The following RPP30 variants were observed in gnomAD, a reference collection of about 807,000 sequenced individuals.
RPP30 encodes ribonuclease P protein subunit p30.
RPP30 carries 36 observed loss-of-function variants against 38.6 expected under a neutral mutation model. The ratio of observed to expected loss-of-function variants is 0.93; its 90% CI spans 0.71 to 1.23. The LOEUF is 1.23. Among genes scored for constraint, RPP30 ranks in the 50% most tolerant of loss-of-function variants. The pLI, the probability that RPP30 is intolerant of heterozygous loss-of-function variation, is 0.00. For missense variants in RPP30, 321 were observed against 321.7 expected (o/e 1.00, Z 0.02); for synonymous variants, 126 against 112.7 (o/e 1.12, Z -0.75).
intron 4 of RPP30, among the ~76,000 whole-genome samples, chr10:90,878,047 G>GC (rs768639203): frequency 5.9e-5 from 9 of 152,140 alleles, no homozygotes; most frequent in Admixed American, 3.9e-4. Flanking sequence ...GGTTCCTTAG[G>GC]CCCAGGTAGA....
At chr10:90,875,952 CT>C in intron 3 of RPP30, 71 bp from the exon 4 acceptor site, 1 of 882,310 alleles carries the variant, frequency 1.1e-6, no homozygotes, top group South Asian at 1.4e-5. Context: ...TTAATGAATA[CT>C]TTCCACTGGT....
At chr10:90,906,794 G>C (rs1589505336), downstream of RPP30, among the ~76,000 whole-genome samples, 1 of 152,216 alleles carries the variant, frequency 6.6e-6, no homozygotes. Context: ...GGGAAAGAAG[G>C]TCAAAAACAA....
intron 10 of RPP30, among the ~76,000 whole-genome samples, chr10:90,899,630 C>G (rs1192150252): frequency 2.0e-5 from 3 of 152,122 alleles, no homozygotes; most frequent in Non-Finnish European, 4.4e-5. Flanking sequence ...GCCATATTGT[C>G]CCCTAAACTA....
intron 1 of RPP30, among the ~76,000 whole-genome samples, chr10:90,872,535 G>C (rs1589491930): frequency 6.6e-6 from 1 of 152,238 alleles, no homozygotes. Flanking sequence ...GACAGAGAGA[G>C]GGTAGGTGGG....
chr10:90,879,431 T>G (rs1846895315), intron 5 of RPP30, among the ~76,000 whole-genome samples: 1 of 152,242 alleles, frequency 6.6e-6, no homozygotes, highest in Admixed American at 6.5e-5. Context: ...TAAGTGTTGA[T>G]CCATCTCTTT....
chr10:90,889,839 T>G (rs909664270), intron 6 of RPP30, among the ~76,000 whole-genome samples: 1 of 152,330 alleles, frequency 6.6e-6, no homozygotes, highest in Middle Eastern at 3.4e-3. Context: ...ATTTCAATTA[T>G]GCAATTTCCT....
chr10:90,898,893 A>G (rs1847172519), intron 10 of RPP30, among the ~76,000 whole-genome samples: 1 of 152,224 alleles, frequency 6.6e-6, no homozygotes, highest in Non-Finnish European at 1.5e-5. Flanking sequence ...CCCTGGACCA[A>G]AATGAACCTG....
intron 6 of RPP30, among the ~76,000 whole-genome samples, chr10:90,887,387 T>A (rs1002106162): frequency 2.9e-5 from 4 of 138,848 alleles, no homozygotes; most frequent in African/African-American, 8.4e-5. Context: ...GTTGGGTAAA[T>A]TTTTTTTTTT....
At chr10:90,903,038 A>G (rs7088895), downstream of RPP30, among the ~76,000 whole-genome samples, 2,437 of 152,324 alleles carry the variant, frequency 0.016, 66 homozygotes, top group African/African-American at 0.056. Flanking sequence ...TCCCGGGAAA[A>G]CTAAGTCAAC....
At chr10:90,872,440 T>C (rs924593363) in intron 1 of RPP30, among the ~76,000 whole-genome samples, 1 of 142,782 alleles carries the variant, frequency 7.0e-6, no homozygotes, top group Non-Finnish European at 1.5e-5. Context: ...TCTAAACAAA[T>C]ACTGGAATTT....
In RPP30 at chr10:90,895,581, A is replaced by T. The variant is rs181600797; in HGVS notation, c.579+98A>T. ...AAAATAGTAAATGAATATTTGTTGC[A>T]TTTTTTTCTATTTTAACTGCATTTG... On this transcript the variant is annotated intron_variant, in intron 8 of 10. Coordinates refer to ENST00000371703, the MANE Select transcript of RPP30 (RefSeq NM_006413.5). The T allele has an allele frequency of 1.3e-3, 887 of 697,064 alleles. 6 individuals carry two copies. The African/African-American group carries it at 0.015, about 12-fold the overall frequency. The allele number at this position is 697,064 out of a possible 1,614,324, so 43.2% of individuals were successfully genotyped here. A position where few individuals can be genotyped will look rare whatever the true frequency, so the allele number is the denominator to read the frequency against.
downstream of RPP30, among the ~76,000 whole-genome samples, chr10:90,906,409 A>G (rs1847255517): frequency 6.6e-6 from 1 of 152,224 alleles, no homozygotes; most frequent in Non-Finnish European, 1.5e-5. Context: ...GTTGAAATTT[A>G]GAGTTTGGCT....
At chr10:90,895,744 C>A in intron 8 of RPP30, 136 bp from the exon 9 acceptor site, 1 of 642,118 alleles carries the variant, frequency 1.6e-6, no homozygotes, top group Non-Finnish European at 2.5e-6. Context: ...GCTATGAAAC[C>A]CATCAAAATT....
chr10:90,885,698 A>G (rs550020573), intron 5 of RPP30, 114 bp from the exon 6 acceptor site: 1 of 677,460 alleles, frequency 1.5e-6, no homozygotes, highest in South Asian at 1.7e-5. Context: ...TCAACACAGA[A>G]CCATCAAAAC....
Position 90,901,390 on chromosome 10 carries a change from C to G in RPP30, c.*711C>G, listed in dbSNP as rs1319982375. On this transcript the variant is annotated 3_prime_UTR_variant, in exon 11 of 11. Transcript: ENST00000371703. Reference sequence around the variant, plus strand: ...TATATTGAAGAAGTGACTTTAGTTCCTCTTGTTTTAAGCTTCTTTCATGTA... The same window carrying G: ...TATATTGAAGAAGTGACTTTAGTTCGTCTTGTTTTAAGCTTCTTTCATGTA... 2.0e-6 allele frequency: 2 copies of G among 983,576 alleles called. No individual in the cohort carries two copies. The highest frequency in any genetic ancestry group is 2.4e-6 in the Non-Finnish European group (2 of 828,482). The allele number at this position is 983,576 out of a possible 1,614,324, so 60.9% of individuals were successfully genotyped here. A position where few individuals can be genotyped will look rare whatever the true frequency, so the allele number is the denominator to read the frequency against.
Position 90,894,898 on chromosome 10 carries a change from T to G in RPP30, c.549+7T>G, listed in dbSNP as rs762589699. On this transcript the variant is annotated splice_region_variant and intron_variant, in intron 7 of 10. Coordinates refer to ENST00000371703, the MANE Select transcript of RPP30 (RefSeq NM_006413.5). Reference sequence around the variant, plus strand: ...GCAAATCTGCAAAGGAAAGGTATGGTTCTATAATTTTAGGATGTTTTTCGC... The same window carrying G: ...GCAAATCTGCAAAGGAAAGGTATGGGTCTATAATTTTAGGATGTTTTTCGC... 1.7e-5 allele frequency: 26 copies of G among 1,570,180 alleles called. No homozygotes were observed. Among genetic ancestry groups the G allele is most frequent in the Non-Finnish European group, 2.3e-5 (26 of 1,140,322 alleles).
In RPP30 at chr10:90,902,089, G is replaced by A. The variant is rs969424201; in HGVS notation, c.*1410G>A. On this transcript the variant is annotated 3_prime_UTR_variant, in exon 11 of 11. Transcript: ENST00000371703. ...TGGGATTACAGGCGTTAGCCACTGCGCCCGGCCCGAGAAAATACAGTTTTA... is the reference window on the plus strand; with the variant it reads ...TGGGATTACAGGCGTTAGCCACTGCACCCGGCCCGAGAAAATACAGTTTTA... 1.6e-5 allele frequency: 16 copies of A among 986,914 alleles called. No homozygotes were observed. The highest frequency in any genetic ancestry group is 1.2e-4 in the Admixed American group (2 of 16,240). The allele number at this position is 986,914 out of a possible 1,614,324, so 61.1% of individuals were successfully genotyped here.
chr10:90,871,983 C>A lies in RPP30; in HGVS notation c.-4C>A. 12 of 1,613,788 alleles carry A rather than the reference C, an allele frequency of 7.4e-6. No individual in the cohort carries two copies. The highest frequency in any genetic ancestry group is 1.0e-5 in the Non-Finnish European group (12 of 1,179,736). ...GCGCGCGCGGACGGTCATGGGACTT[C>A]AGCATGGCGGTGTTTGCAGATTTGG... On this transcript the variant is annotated 5_prime_UTR_variant, in exon 1 of 11. Transcript: ENST00000371703.
chr10:90,886,526 T>C (rs956212155), intron 6 of RPP30, among the ~76,000 whole-genome samples: 2 of 152,236 alleles, frequency 1.3e-5, no homozygotes, highest in Non-Finnish European at 2.9e-5. Flanking sequence ...CCATTCCTTC[T>C]TCTGTCTTAA....
Sources: gnomAD v4.1 joint callset for allele counts (sites outside exome capture counted in the v4.1 genomes callset) on GRCh38, gnomAD v4.1.1 for gene constraint, MANE v1.5 for transcripts, NCBI Gene and HGNC (gene_info 2026-07-23, HGNC 2026-07-21) for gene names.